EPHB2: variants seen among roughly 807,000 people sequenced by gnomAD.
EPHB2 encodes the protein EPH receptor B2.
Under a neutral mutation model 96.4 loss-of-function variants are expected in EPHB2, and 18 were observed. The ratio of observed to expected loss-of-function variants is 0.19; its 90% CI spans 0.13 to 0.28. EPHB2 has a LOEUF of 0.28. EPHB2 is among the 10% of genes least tolerant of loss of function. The pLI is 1.00. For missense variants in EPHB2, 989 were observed against 1,355.4 expected, an observed-to-expected ratio of 0.73 and a Z score of 4.25; for synonymous variants, 506 against 534.1, an observed-to-expected ratio of 0.95 and a Z score of 0.72.
intron 3 of EPHB2, among the ~76,000 whole-genome samples, chr1:22,791,447 C>T (rs2582019): frequency 0.95 from 130,070 of 136,552 alleles, 61,800 homozygotes; most frequent in Middle Eastern, 1. Flanking sequence ...ACATGGGTTT[C>T]TTTCTTTCTT....
At chr1:22,844,753 C>G (rs574561775) in intron 3 of EPHB2, among the ~76,000 whole-genome samples, 2 of 152,314 alleles carry the variant, frequency 1.3e-5, no homozygotes, top group South Asian at 4.1e-4. Context: ...CCCCAGGAAG[C>G]CCCCAAGAAG....
At chr1:22,865,312 T>A in intron 5 of EPHB2, 100 bp downstream of exon 5, 1 of 1,393,604 alleles carries the variant, frequency 7.2e-7, no homozygotes, top group Non-Finnish European at 1.0e-6. Flanking sequence ...TATGGAGTGA[T>A]TTCTTCTTTT....
At chr1:22,796,204 A>G (rs1239154581) in intron 3 of EPHB2, among the ~76,000 whole-genome samples, 2 of 152,212 alleles carry the variant, frequency 1.3e-5, no homozygotes, top group African/African-American at 4.8e-5. Context: ...AGTGGGAAAT[A>G]CACAGTATGT....
At chr1:22,843,846 T>G (rs1645503379) in intron 3 of EPHB2, among the ~76,000 whole-genome samples, 1 of 152,252 alleles carries the variant, frequency 6.6e-6, no homozygotes, top group Non-Finnish European at 1.5e-5. Flanking sequence ...CAGCCTCTTG[T>G]TCCCTTCTTT....
At chr1:22,725,052 G>A (rs763801351) in intron 1 of EPHB2, among the ~76,000 whole-genome samples, 43 of 152,210 alleles carry the variant, frequency 2.8e-4, no homozygotes, top group Non-Finnish European at 5.1e-4. Flanking sequence ...GGTGGCATCT[G>A]TGTCCTTGGT....
chr1:22,795,081 G>C (rs557202265), intron 3 of EPHB2, among the ~76,000 whole-genome samples: 7 of 152,154 alleles, frequency 4.6e-5, no homozygotes, highest in Admixed American at 4.6e-4. Context: ...ACCCCACCCT[G>C]TTTGGGCACC....
rs141329292 is a variant in EPHB2, at chr1:22,857,145, G to A, written c.812-5892G>A. 1.5e-3 allele frequency among the ~76,000 whole-genome samples: 234 copies of A among 152,282 alleles called. 1 individual carries two copies. The highest frequency in any genetic ancestry group is 4.2e-3 in the African/African-American group (176 of 41,548). On this transcript the variant is annotated intron_variant, in intron 3 of 15. Transcript: ENST00000374630. Reference sequence around the variant, plus strand: ...GTCTGGAGCTTGACTTGCAAGAGCCGACTGTGCACATTCTTTCCCAAGTCA... The same window carrying A: ...GTCTGGAGCTTGACTTGCAAGAGCCAACTGTGCACATTCTTTCCCAAGTCA...
Position 22,918,239 on chromosome 1 carries a change from G to C in EPHB2, c.*4669G>C, listed in dbSNP as rs1021836359. The C allele has an allele frequency of 2.0e-5, 3 of 152,166 alleles. No homozygotes were observed. The highest frequency in any genetic ancestry group is 7.2e-5 in the African/African-American group (3 of 41,414). The allele number at this position is 152,166 out of a possible 1,614,324, so 9.4% of individuals were successfully genotyped here. ...TTCAGTTTCCATCCTCACTGACGCA[G>C]ATAATCCAAAGAGTCACTTCAGCTG... On this transcript the variant is annotated 3_prime_UTR_variant, in exon 16 of 16. Transcript: ENST00000374630. This position sits in a 1 kb window ranked among gnomAD's most constrained non-coding sequence, Gnocchi z 4.2.
At chr1:22,753,132 C>G (rs141359760) in intron 1 of EPHB2, among the ~76,000 whole-genome samples, 1 of 152,112 alleles carries the variant, frequency 6.6e-6, no homozygotes, top group Non-Finnish European at 1.5e-5. Flanking sequence ...GTCTTTTTCA[C>G]CCACTACTGG....
chr1:22,819,608 AC>A (rs766336307), intron 3 of EPHB2, among the ~76,000 whole-genome samples: 2 of 151,940 alleles, frequency 1.3e-5, no homozygotes, highest in Admixed American at 6.6e-5. Context: ...GGTCCTGACC[AC>A]CCCGGGACAG....
chr1:22,821,027 CAGAA>C (rs1186947623), intron 3 of EPHB2, among the ~76,000 whole-genome samples: 1 of 152,124 alleles, frequency 6.6e-6, no homozygotes, highest in Non-Finnish European at 1.5e-5. Flanking sequence ...AAATGAAATC[CAGAA>C]GTAGGCAGCT....
In EPHB2 at chr1:22,910,587, C is replaced by A; in HGVS notation, c.2696+12C>A. The A allele has an allele frequency of 1.3e-6, 2 of 1,596,062 alleles. No homozygotes were observed. The highest frequency in any genetic ancestry group is 1.7e-6 in the Non-Finnish European group (2 of 1,179,710). ...CCCCTCTCCTCTGGGTAAGGCCCCA[C>A]CCTGGCCCTGCCCCAGCCAGGCCCT... On this transcript the variant is annotated intron_variant, in intron 14 of 15. Coordinates refer to ENST00000374630, the MANE Select transcript of EPHB2 (RefSeq NM_017449.5).
rs952524782 is a variant in EPHB2 at position 22,916,547 on chromosome 1, C to T, written c.*2977C>T. The T allele has an allele frequency of 3.3e-5, 5 of 151,812 alleles. No homozygotes were observed. The highest frequency in any genetic ancestry group is 7.3e-5 in the Non-Finnish European group (5 of 68,056). The allele number at this position is 151,812 out of a possible 1,614,324, so 9.4% of individuals were successfully genotyped here. A position where few individuals can be genotyped will look rare whatever the true frequency, so the allele number is the denominator to read the frequency against. On this transcript the variant is annotated 3_prime_UTR_variant, in exon 16 of 16. Transcript: ENST00000374630. This position sits in a 1 kb window ranked among gnomAD's most constrained non-coding sequence, Gnocchi z 4.2. Reference sequence around the variant, plus strand: ...ACCGGGGCAGTCGCCCCGCCCCAACCTCTTGCTTGCTGCTCAGCGGGGAGT... The same window carrying T: ...ACCGGGGCAGTCGCCCCGCCCCAACTTCTTGCTTGCTGCTCAGCGGGGAGT...
rs1645743294 is a variant in EPHB2, at chr1:22,858,690, C to T, written c.812-4347C>T. ...GCCCCCCGGGCACTGTGGGCAGTGG[C>T]CACCCAGACCTCTCAGAGGTAGCTG... On this transcript the variant is annotated intron_variant, in intron 3 of 15. Coordinates refer to ENST00000374630, the MANE Select transcript of EPHB2 (RefSeq NM_017449.5). This position sits in a 1 kb window ranked among gnomAD's most constrained non-coding sequence, Gnocchi z 7.7. Among the ~76,000 whole-genome samples the T allele has an allele frequency of 6.6e-6, 1 of 152,272 alleles. No homozygotes were observed. Among genetic ancestry groups the T allele is most frequent in the Admixed American group, 6.5e-5 (1 of 15,296 alleles).
chr1:22,752,262 C>A (rs1644075717), intron 1 of EPHB2, among the ~76,000 whole-genome samples: 1 of 152,214 alleles, frequency 6.6e-6, no homozygotes, highest in Non-Finnish European at 1.5e-5. Flanking sequence ...CTTTGGGGGG[C>A]CAAGGCAAGC....
At chr1:22,825,441 AG>A (rs1194312552) in intron 3 of EPHB2, among the ~76,000 whole-genome samples, 1 of 96,890 alleles carries the variant, frequency 1.0e-5, no homozygotes, top group South Asian at 4.5e-4. Flanking sequence ...AGCCTAGATC[AG>A]GGGGTGAGCG....
At chr1:22,829,152 G>A (rs1361439995) in intron 3 of EPHB2, among the ~76,000 whole-genome samples, 5 of 152,236 alleles carry the variant, frequency 3.3e-5, no homozygotes, top group African/African-American at 1.2e-4. Flanking sequence ...TGACTGACTC[G>A]TTACTCCTCA....
chr1:22,877,565 G>C (rs1447204852), intron 5 of EPHB2, among the ~76,000 whole-genome samples: 1 of 152,152 alleles, frequency 6.6e-6, no homozygotes, highest in Non-Finnish European at 1.5e-5. Flanking sequence ...CACCTCTCAT[G>C]GAACTCTTTG....
rs1307073516 is a variant in EPHB2, at chr1:22,918,815, T to C, written c.*5245T>C. 1 of 152,220 alleles carries C rather than the reference T, an allele frequency of 6.6e-6. No individual in the cohort carries two copies. Among genetic ancestry groups the C allele is most frequent in the Non-Finnish European group, 1.5e-5 (1 of 68,048 alleles). 9.4% of individuals were successfully genotyped at this position (152,220 alleles called of 1,614,324 possible). ...CCCTCGGAGGCTAATCTCAGGAGGT[T>C]GGAACCACAGGGATTGCAATAATCG... On this transcript the variant is annotated 3_prime_UTR_variant, in exon 16 of 16. Coordinates refer to ENST00000374630, the MANE Select transcript of EPHB2 (RefSeq NM_017449.5). The surrounding 1 kb of genome is among the most constrained non-coding windows in gnomAD (Gnocchi z 4.2).
Sources: allele counts gnomAD v4.1 joint callset (sites outside exome capture counted in the v4.1 genomes callset), GRCh38; gene constraint gnomAD v4.1.1; non-coding constraint Gnocchi (gnomAD v3.1); transcripts MANE v1.5; gene names NCBI Gene and HGNC (gene_info 2026-07-23, HGNC 2026-07-21).